ROCK1: variants seen among roughly 807,000 people sequenced by gnomAD.
ROCK1 encodes the protein rho-associated protein kinase 1.
ROCK1 carries 36 observed loss-of-function variants against 196.8 expected under a neutral mutation model. The ratio of observed to expected loss-of-function variants is 0.18; its 90% CI spans 0.14 to 0.24. The LOEUF (loss-of-function observed/expected upper bound fraction) is 0.24. ROCK1 is among the 10% of genes least tolerant of loss of function. The pLI, the probability that ROCK1 is intolerant of heterozygous loss-of-function variation, is 1.00. For synonymous variants in ROCK1, 443 were observed against 515.9 expected, an observed-to-expected ratio of 0.86 and a Z score of 1.91; for missense variants, 920 against 1,562.0, an observed-to-expected ratio of 0.59 and a Z score of 6.93.
chr18:21,007,273 A>G (rs893843273), intron 14 of ROCK1, among the ~76,000 whole-genome samples: 1 of 152,156 alleles, frequency 6.6e-6, no homozygotes, highest in Non-Finnish European at 1.5e-5. Flanking sequence ...GCATATATAG[A>G]CAAGTACTCT....
chr18:21,031,622 A>G (rs534884098), intron 9 of ROCK1, among the ~76,000 whole-genome samples: 219 of 150,402 alleles, frequency 1.5e-3, no homozygotes, highest in African/African-American at 4.3e-3. Flanking sequence ...AAAAAAAAAA[A>G]AAAGAAAATA....
Position 20,947,132 on chromosome 18 carries a change from TA to T in ROCK1, c.*4251del, listed in dbSNP as rs1211946665. The T allele has an allele frequency of 2.0e-5, 3 of 152,356 alleles. No homozygotes were observed. The highest frequency in any genetic ancestry group is 2.0e-4 in the Admixed American group (3 of 15,296). The allele number at this position is 152,356 out of a possible 1,614,324, so 9.4% of individuals were successfully genotyped here. A position where few individuals can be genotyped will look rare whatever the true frequency, so the allele number is the denominator to read the frequency against. On this transcript the variant is annotated 3_prime_UTR_variant, in exon 33 of 33. Transcript: ENST00000399799. ...TCTTAATTCTCATAAGACAATTCAT[TA>T]ACATTTGGCAAAAGAAAGGAGATAT...
At chr18:20,961,221 A>C (rs1406822909) in intron 27 of ROCK1, among the ~76,000 whole-genome samples, 3 of 152,156 alleles carry the variant, frequency 2.0e-5, no homozygotes, top group African/African-American at 7.2e-5. Context: ...ACCAATTTCA[A>C]AGTATGACAC....
intron 16 of ROCK1, among the ~76,000 whole-genome samples, chr18:20,994,791 G>A (rs990343147): frequency 1.6e-4 from 24 of 151,856 alleles, no homozygotes; most frequent in Admixed American, 9.2e-4. Context: ...AAGAAATGTC[G>A]GAAATAAACT....
intron 1 of ROCK1, among the ~76,000 whole-genome samples, chr18:21,103,512 G>T (rs1283234290): frequency 1.3e-5 from 2 of 151,410 alleles, no homozygotes; most frequent in Non-Finnish European, 2.9e-5. Flanking sequence ...AGGCTAGAGT[G>T]CCGTGGCACC....
At chr18:20,984,581 T>G (rs761628224) in intron 19 of ROCK1, 46 bp from the exon 20 acceptor site, 2 of 1,393,550 alleles carry the variant, frequency 1.4e-6, no homozygotes, top group South Asian at 1.3e-5. Flanking sequence ...CTTAAATAAT[T>G]TATTAGACAT....
intron 11 of ROCK1, among the ~76,000 whole-genome samples, chr18:21,021,102 AT>A (rs2035909275): frequency 6.6e-6 from 1 of 152,244 alleles, no homozygotes; most frequent in Non-Finnish European, 1.5e-5. Flanking sequence ...GAAGTAATGG[AT>A]AAAGGTATCA....
intron 27 of ROCK1, among the ~76,000 whole-genome samples, 179 bp downstream of exon 27, chr18:20,966,738 T>C (rs1307484252): frequency 6.6e-6 from 1 of 152,190 alleles, no homozygotes; most frequent in Admixed American, 6.5e-5. Context: ...TTACAACTGC[T>C]CTACTCCACA....
intron 27 of ROCK1, among the ~76,000 whole-genome samples, chr18:20,962,356 G>A (rs1041523097): frequency 6.6e-6 from 1 of 152,114 alleles, no homozygotes; most frequent in African/African-American, 2.4e-5. Context: ...ATGAAAAGGA[G>A]TCTTAATATC....
chr18:21,078,377 G>C (rs868558463), intron 1 of ROCK1, among the ~76,000 whole-genome samples: 3,989 of 130,916 alleles, frequency 0.03, 176 homozygotes, highest in African/African-American at 0.12. Flanking sequence ...CACACACAGA[G>C]AGAGAGAGAG....
At chr18:21,041,493 A>AT (rs1186480340) in intron 8 of ROCK1, among the ~76,000 whole-genome samples, 1 of 152,074 alleles carries the variant, frequency 6.6e-6, no homozygotes, top group African/African-American at 2.4e-5. Context: ...ACAAAGGTAT[A>AT]TATAATATGC....
At chr18:21,061,286 G>T (rs2036288393) in intron 2 of ROCK1, among the ~76,000 whole-genome samples, 1 of 151,940 alleles carries the variant, frequency 6.6e-6, no homozygotes, top group African/African-American at 2.4e-5. Flanking sequence ...TGTCATGTTG[G>T]CCAGGCTGGT....
chr18:21,104,559 G>A (rs1451670709), intron 1 of ROCK1, among the ~76,000 whole-genome samples: 1 of 152,106 alleles, frequency 6.6e-6, no homozygotes, highest in East Asian at 1.9e-4. Flanking sequence ...ATAGCGCCAC[G>A]GCACTTCGGA....
intron 16 of ROCK1, among the ~76,000 whole-genome samples, chr18:21,001,503 C>G (rs2035723774): frequency 6.6e-6 from 1 of 152,178 alleles, no homozygotes. Context: ...CATGGTGGCT[C>G]ACGCCTGTAA....
At chr18:20,997,247 G>A (rs887208693) in intron 16 of ROCK1, among the ~76,000 whole-genome samples, 3 of 151,754 alleles carry the variant, frequency 2.0e-5, no homozygotes, top group Non-Finnish European at 2.9e-5. Flanking sequence ...CATGTATAAA[G>A]GTACACATAG....
At chr18:21,071,742 G>A (rs2036387662) in intron 1 of ROCK1, among the ~76,000 whole-genome samples, 1 of 151,894 alleles carries the variant, frequency 6.6e-6, no homozygotes, top group African/African-American at 2.4e-5. Context: ...GTTCCAGACA[G>A]GTCAAAACAT....
At chr18:20,970,262 GCA>G (rs2035413601) in intron 23 of ROCK1, 84 bp downstream of exon 23, 3 of 991,904 alleles carry the variant, frequency 3.0e-6, no homozygotes, top group African/African-American at 1.6e-5. Context: ...AAATACACTT[GCA>G]CACACACTTA....
At chr18:20,984,607 TA>T in intron 19 of ROCK1, 72 bp from the exon 20 acceptor site, 1 of 1,135,760 alleles carries the variant, frequency 8.8e-7, no homozygotes. Flanking sequence ...GAAAGACTAC[TA>T]ACCAAATCAA....
rs1468685633 is a variant in ROCK1 at position 20,984,329 on chromosome 18, CAAT to C, written c.2489+19_2489+21del. On this transcript the variant is annotated intron_variant, in intron 20 of 32. Transcript: ENST00000399799. ...ATGAACACAAAAAAGAAAGAAATCA[CAAT>C]GTTATTTTAAAGACTTACTTCGTAA... 1.3e-6 allele frequency: 2 copies of C among 1,548,630 alleles called. No individual in the cohort carries two copies. Among genetic ancestry groups the C allele is most frequent in the African/African-American group, 2.8e-5 (2 of 72,588 alleles).
Sources: gnomAD v4.1 joint callset for allele counts (sites outside exome capture counted in the v4.1 genomes callset) on GRCh38, gnomAD v4.1.1 for gene constraint, MANE v1.5 for transcripts, NCBI Gene and HGNC (gene_info 2026-07-23, HGNC 2026-07-21) for gene names.